NKTR: variants seen among roughly 807,000 people sequenced by gnomAD.
The protein encoded by NKTR is NK-tumor recognition protein.
Under a neutral mutation model 156.3 loss-of-function variants are expected in NKTR, and 67 were observed. The observed-to-expected ratio is 0.43, with a 90% CI of 0.35 to 0.53. The LOEUF (loss-of-function observed/expected upper bound fraction) is 0.53, where lower values mean the gene tolerates loss of function less well. Ranked by LOEUF, NKTR falls within the 20% of genes least tolerant of loss-of-function variation. The pLI, the probability that NKTR is intolerant of heterozygous loss-of-function variation, is 0.01. For synonymous variants in NKTR, 640 were observed against 596.6 expected (o/e 1.07, Z -1.06); for missense variants, 1,604 against 1,730.9 (o/e 0.93, Z 1.30).
At position 42,637,203 on chromosome 3, in the gene NKTR, G is replaced by C. The variant is rs1429454349; in HGVS notation, c.1499G>C (p.Trp500Ser). 1 of 1,611,984 alleles carries C rather than the reference G, an allele frequency of 6.2e-7. No homozygotes were observed. The highest frequency in any genetic ancestry group is 8.5e-7 in the Non-Finnish European group (1 of 1,179,428). The change falls in exon 13 of 17, where the codon TGG becomes TCG. Residue 500 changes from tryptophan to serine, a missense_variant. This residue lies in a region of NKTR where 1,255 missense variants were observed against 1,243.7 expected (regional missense o/e 1.01). Coordinates refer to ENST00000232978, the MANE Select transcript of NKTR (RefSeq NM_005385.4). ...TCTCATCACTCATCAAAGAGAGACT[G>C]GTCTAAATCTGATAAGGATGTCCAG... is the stretch of plus-strand genomic sequence containing the variant. ...LSSHHSSKRD[W>S]SKSDKDVQSS...
Position 42,647,789 on chromosome 3 carries a change from C to T in NKTR, c.*1814C>T, listed in dbSNP as rs147958835. On this transcript the variant is annotated 3_prime_UTR_variant, in exon 17 of 17. Coordinates refer to ENST00000232978, the MANE Select transcript of NKTR (RefSeq NM_005385.4). ...TGTAATTAGGTTAAGAAAAGTTACC[C>T]TTGGGCAGTGTATTAGTTTTCTATT... 2.0e-3 allele frequency: 303 copies of T among 152,256 alleles called. 1 individual carries two copies. The highest frequency in any genetic ancestry group is 6.9e-3 in the African/African-American group (288 of 41,544). 9.4% of individuals were successfully genotyped at this position (152,256 alleles called of 1,614,324 possible).
chr3:42,634,919 A>C, intron 11 of NKTR: 1 of 479,994 alleles, frequency 2.1e-6, no homozygotes, highest in Non-Finnish European at 3.7e-6. Flanking sequence ...TGAAACCATC[A>C]GTGAGTATGC....
chr3:42,639,171 C>T lies in NKTR; in HGVS notation c.3467C>T (p.Pro1156Leu). The T allele has an allele frequency of 1.2e-6, 2 of 1,614,144 alleles. No homozygotes were observed. The highest frequency in any genetic ancestry group is 8.5e-7 in the Non-Finnish European group (1 of 1,180,016). ...CTAGGAAATGCACGGCTTGATACCC[C>T]AGATATAAACATTGTTTTGAAGCAG... ...SPLGNARLDTPDINIVLKQDM... is the reference protein window; with the variant it reads ...SPLGNARLDTLDINIVLKQDM... Residue 1156 changes from proline to leucine, a missense_variant, in exon 13 of 17, where the codon CCA becomes CTA. Coordinates refer to ENST00000232978, the MANE Select transcript of NKTR (RefSeq NM_005385.4).
chr3:42,632,485 C>A, intron 8 of NKTR, 116 bp from the exon 9 acceptor site: 1 of 629,966 alleles, frequency 1.6e-6, no homozygotes, highest in Non-Finnish European at 2.7e-6. Context: ...GTCTACATTT[C>A]ATTTTTTGTT....
intron 2 of NKTR, among the ~76,000 whole-genome samples, chr3:42,617,199 C>G (rs139826633): frequency 1.3e-5 from 2 of 152,276 alleles, no homozygotes; most frequent in African/African-American, 4.8e-5. Flanking sequence ...TTGATGTACT[C>G]TCATCACTGG....
In NKTR at chr3:42,639,604, G is replaced by A. The variant is rs1188474226; in HGVS notation, c.3900G>A (p.Glu1300=). Residue 1300 remains glutamate (E), a synonymous_variant, in exon 13 of 17, where the codon GAG becomes GAA. Coordinates refer to ENST00000232978, the MANE Select transcript of NKTR (RefSeq NM_005385.4). ...GAAATCAGGAGAGTTCAAGTGATGA[G>A]CAGACGCCTAGTCGGGATGATGATA... ...RPRNQESSSD[E]QTPSRDDDSQ... 1.9e-6 allele frequency: 3 copies of A among 1,614,082 alleles called. No homozygotes were observed. In the African/African-American group the frequency reaches 4.0e-5, roughly 22 times the overall value.
chr3:42,609,807 T>C (rs746195020), intron 2 of NKTR, among the ~76,000 whole-genome samples: 1 of 152,304 alleles, frequency 6.6e-6, no homozygotes, highest in Non-Finnish European at 1.5e-5. Flanking sequence ...TTTTTGAGAA[T>C]GTGATTTTTA....
At chr3:42,616,029 G>C (rs1162277099) in intron 2 of NKTR, among the ~76,000 whole-genome samples, 2 of 152,094 alleles carry the variant, frequency 1.3e-5, no homozygotes, top group Admixed American at 6.5e-5. Context: ...TAAAGCTATA[G>C]GCTAAGAATG....
chr3:42,629,797 C>T (rs1258469420), intron 6 of NKTR: 28 of 985,104 alleles, frequency 2.8e-5, no homozygotes, highest in Non-Finnish European at 3.3e-5. Flanking sequence ...CCAAATATAC[C>T]CTGTAGGCTT....
chr3:42,620,574 C>T (rs1707817527), intron 5 of NKTR: 12 of 984,894 alleles, frequency 1.2e-5, no homozygotes, highest in Non-Finnish European at 1.4e-5. Context: ...AAGGTAATCA[C>T]TTTTTAAAGT....
chr3:42,637,268 A>C lies in NKTR; in HGVS notation c.1564A>C (p.Lys522Gln). 6.2e-7 allele frequency: 1 copy of C among 1,613,772 alleles called. No homozygotes were observed. The highest frequency in any genetic ancestry group is 8.5e-7 in the Non-Finnish European group (1 of 1,179,932). ...TTCCAGCAGAGACTCATACAGATCA[A>C]AATCTCACTCACAGTCTTATTCTAG... ...THSSRDSYRS[K>Q]SHSQSYSRGS... The change falls in exon 13 of 17, where the codon AAA (lysine) becomes CAA (glutamine). Residue 522 changes from lysine (K) to glutamine (Q), a missense_variant. By Grantham distance (53) the Lys-to-Gln change is moderately conservative. Around this residue, in one of 6 missense-constraint regions of NKTR, gnomAD observed 1,255 missense variants for 1,243.7 expected, o/e 1.01. Coordinates refer to ENST00000232978, the MANE Select transcript of NKTR (RefSeq NM_005385.4).
intron 6 of NKTR, chr3:42,629,430 C>T: frequency 1.1e-6 from 1 of 947,402 alleles, no homozygotes; most frequent in Non-Finnish European, 1.3e-6. Flanking sequence ...TAAGTATAAG[C>T]ATTACAAATC....
chr3:42,622,952 A>T (rs1336801322), intron 6 of NKTR, among the ~76,000 whole-genome samples: 3 of 152,020 alleles, frequency 2.0e-5, no homozygotes, highest in Admixed American at 6.6e-5. Flanking sequence ...GTACAATTAA[A>T]ATTTGATTTA....
intron 3 of NKTR, 63 bp downstream of exon 3, chr3:42,617,707 T>C (rs1440960200): frequency 3.6e-6 from 3 of 836,380 alleles, no homozygotes; most frequent in Admixed American, 2.2e-5. Context: ...CTGAACAGAA[T>C]AGATATTTTC....
chr3:42,643,458 G>C (rs1710077639), intron 15 of NKTR, 63 bp downstream of exon 15: 3 of 1,361,802 alleles, frequency 2.2e-6, no homozygotes, highest in Admixed American at 1.7e-5. Context: ...TTTGTAAACT[G>C]TTTGTTCAAA....
intron 6 of NKTR, chr3:42,628,520 A>G: frequency 9.1e-6 from 9 of 985,378 alleles, no homozygotes; most frequent in Non-Finnish European, 1.1e-5. Flanking sequence ...CAAGATGGCA[A>G]ATTGAATTGG....
intron 2 of NKTR, among the ~76,000 whole-genome samples, chr3:42,612,074 CT>C (rs1706877824): frequency 6.6e-6 from 1 of 152,214 alleles, no homozygotes; most frequent in Admixed American, 6.5e-5. Flanking sequence ...GCACTACAAC[CT>C]GGGGAACAGA....
At chr3:42,616,944 A>G (rs866940661) in intron 2 of NKTR, among the ~76,000 whole-genome samples, 27 of 152,076 alleles carry the variant, frequency 1.8e-4, no homozygotes, top group African/African-American at 5.1e-4. Context: ...TTGTAGAGAC[A>G]GGGGTCGTTC....
At chr3:42,606,681 T>G (rs1358741863) in intron 2 of NKTR, among the ~76,000 whole-genome samples, 1 of 152,220 alleles carries the variant, frequency 6.6e-6, no homozygotes, top group Non-Finnish European at 1.5e-5. Context: ...TAACATTTTT[T>G]AATATTTTGT....
Sources: gnomAD v4.1 joint callset for allele counts (sites outside exome capture counted in the v4.1 genomes callset) on GRCh38, gnomAD v4.1.1 for gene constraint, gnomAD v4.1.1 regional missense constraint, MANE v1.5 for transcripts, NCBI Gene and HGNC (gene_info 2026-07-23, HGNC 2026-07-21) for gene names.